Variants in AFF1 observed in about 807,000 individuals in gnomAD.
AFF1 encodes the protein AF4/FMR2 family member 1.
AFF1 carries 48 observed loss-of-function variants against 121.7 expected under a neutral mutation model. That is an observed-to-expected ratio of 0.39 (90% CI 0.31 to 0.50). AFF1 has a LOEUF of 0.50. Ranked by LOEUF, AFF1 falls within the 20% of genes least tolerant of loss-of-function variation. AFF1 has a pLI of 0.76. For missense variants in AFF1, 1,523 were observed against 1,511.7 expected, an observed-to-expected ratio of 1.01 and a Z score of -0.12; for synonymous variants, 613 against 563.0, an observed-to-expected ratio of 1.09 and a Z score of -1.26.
chr4:87,056,413 C>A (rs112857703), intron 4 of AFF1, among the ~76,000 whole-genome samples: 6 of 152,222 alleles, frequency 3.9e-5, no homozygotes, highest in African/African-American at 1.4e-4. Flanking sequence ...TATAGATTCC[C>A]TTTTTCCTTA....
intron 2 of AFF1, among the ~76,000 whole-genome samples, chr4:87,002,461 T>C (rs1403615249): frequency 1.6e-5 from 2 of 128,680 alleles, no homozygotes; most frequent in Non-Finnish European, 3.2e-5. Flanking sequence ...AGATGGTGTC[T>C]CACTGTGTTG....
Position 87,139,817 on chromosome 4 carries a change from C to T in AFF1, c.*4116C>T, listed in dbSNP as rs1729581915. The T allele has an allele frequency of 4.4e-6, 1 of 225,356 alleles. No homozygotes were observed. The highest frequency in any genetic ancestry group is 8.8e-6 in the Non-Finnish European group (1 of 113,354). The allele number at this position is 225,356 out of a possible 1,614,324, so 14.0% of individuals were successfully genotyped here. ...TGCCACCATGTGAACCTCAAATATG[C>T]AATCCAGTTGTGTTGGTTTCTCGGT... On this transcript the variant is annotated 3_prime_UTR_variant, in exon 21 of 21. Coordinates refer to ENST00000395146, the MANE Select transcript of AFF1 (RefSeq NM_001166693.3).
intron 2 of AFF1, among the ~76,000 whole-genome samples, chr4:87,012,493 G>A (rs1019863939): frequency 3.9e-5 from 6 of 152,108 alleles, no homozygotes; most frequent in African/African-American, 7.2e-5. Flanking sequence ...ACGTTTTATT[G>A]ATATAGAGTG....
intron 4 of AFF1, among the ~76,000 whole-genome samples, chr4:87,066,916 A>G (rs1721415757): frequency 6.6e-6 from 1 of 152,186 alleles, no homozygotes; most frequent in Non-Finnish European, 1.5e-5. Context: ...ATTTATTAGA[A>G]ACATACTGCA....
chr4:86,995,188 G>A (rs938180035), intron 2 of AFF1, among the ~76,000 whole-genome samples: 5 of 152,040 alleles, frequency 3.3e-5, no homozygotes, highest in Non-Finnish European at 7.4e-5. Flanking sequence ...AACTGAAATT[G>A]CAGCACTGCA....
intron 12 of AFF1, among the ~76,000 whole-genome samples, chr4:87,115,912 C>T (rs1727077982): frequency 6.6e-6 from 1 of 152,096 alleles, no homozygotes; most frequent in Non-Finnish European, 1.5e-5. Context: ...ACACGATGCC[C>T]AGCCTCATTT....
At chr4:87,099,116 C>T (rs1217562183) in intron 8 of AFF1, among the ~76,000 whole-genome samples, 2 of 152,158 alleles carry the variant, frequency 1.3e-5, no homozygotes, top group African/African-American at 4.8e-5. Context: ...TTAAATTTTT[C>T]CTTGTTTTCA....
In AFF1 at chr4:87,137,132, G is replaced by A. The variant is rs1393619346; in HGVS notation, c.*1431G>A. The A allele has an allele frequency of 4.9e-5, 11 of 226,664 alleles. No homozygotes were observed. In the Admixed American group the frequency reaches 6.3e-4, roughly 13 times the overall value. The allele number at this position is 226,664 out of a possible 1,614,324, so 14.0% of individuals were successfully genotyped here. On this transcript the variant is annotated 3_prime_UTR_variant, in exon 21 of 21. Transcript: ENST00000395146. ...TATTATTGGAAACATTACTTTGAGT[G>A]CAGTGTTTTTAAAAGCCAATTCTTT...
chr4:87,034,642 G>A (rs570979927), intron 2 of AFF1, among the ~76,000 whole-genome samples: 29 of 152,294 alleles, frequency 1.9e-4, no homozygotes, highest in Non-Finnish European at 3.1e-4. Flanking sequence ...TAATTAATAA[G>A]TATGGTAAAC....
At chr4:87,101,299 C>T (rs189637144) in intron 8 of AFF1, among the ~76,000 whole-genome samples, 5 of 152,270 alleles carry the variant, frequency 3.3e-5, no homozygotes, top group African/African-American at 7.2e-5. Context: ...CAGGATTCTA[C>T]GGCCAGGCTC....
Position 87,139,651 on chromosome 4 carries a change from C to T in AFF1, c.*3950C>T, listed in dbSNP as rs1389403052. The T allele has an allele frequency of 4.4e-6, 1 of 229,358 alleles. No homozygotes were observed. Among genetic ancestry groups the T allele is most frequent in the East Asian group, 6.2e-5 (1 of 16,120 alleles). 14.2% of individuals were successfully genotyped at this position (229,358 alleles called of 1,614,324 possible). ...CCTCCTGTTCTTGAGCCAGTTGTCT[C>T]TTTTGTTTTGGGTCCCACTTAGGAT... On this transcript the variant is annotated 3_prime_UTR_variant, in exon 21 of 21. Coordinates refer to ENST00000395146, the MANE Select transcript of AFF1 (RefSeq NM_001166693.3).
At chr4:87,068,162 AT>A (rs1258351812) in intron 4 of AFF1, among the ~76,000 whole-genome samples, 5 of 45,696 alleles carry the variant, frequency 1.1e-4, no homozygotes, top group African/African-American at 8.2e-4. Context: ...GAGTTTTAAA[AT>A]TCCCATTGCC....
chr4:87,127,682 GA>G lies in AFF1; in HGVS notation c.2945del (p.Lys982SerfsTer6). The G allele has an allele frequency of 6.2e-7, 1 of 1,614,194 alleles. No individual in the cohort carries two copies. Among genetic ancestry groups the G allele is most frequent in the Non-Finnish European group, 8.5e-7 (1 of 1,180,024 alleles). On this transcript the variant is annotated frameshift_variant, in exon 16 of 21. Transcript: ENST00000395146. LOFTEE classifies it high-confidence loss of function. The part of the protein sequence containing the change: ...DLHMREAKKM[K>X]QKAELMTDRV... ...TTCACATGAGGGAGGCAAAAAAGAT[GA>G]AGCAGAAAGCAGAGTTAATGGTTAG...
At chr4:86,939,559 C>CT (rs1720302145) in intron 1 of AFF1, among the ~76,000 whole-genome samples, 2 of 152,192 alleles carry the variant, frequency 1.3e-5, no homozygotes, top group Admixed American at 1.3e-4. Context: ...GAATCCTTAC[C>CT]TTTCTAAAAA....
In AFF1 at chr4:87,020,808, GTCA is replaced by G. The variant is rs1314737986; in HGVS notation, c.39-25353_39-25351del. The G allele has an allele frequency of 3.0e-6, 3 of 985,256 alleles. No homozygotes were observed. The African/African-American group carries it at 5.2e-5, about 17-fold the overall frequency. 61.0% of individuals were successfully genotyped at this position (985,256 alleles called of 1,614,324 possible). On this transcript the variant is annotated intron_variant, in intron 2 of 20. Coordinates refer to ENST00000395146, the MANE Select transcript of AFF1 (RefSeq NM_001166693.3). Reference sequence around the variant, plus strand: ...ATGCCATGTTTTTGATGCACAGGTAGTCATCATTGTTAACGTCGTCTTTTCAAA... The same window carrying G: ...ATGCCATGTTTTTGATGCACAGGTAGTCATTGTTAACGTCGTCTTTTCAAA...
intron 2 of AFF1, among the ~76,000 whole-genome samples, chr4:87,040,275 C>G (rs2149600214): frequency 6.6e-6 from 1 of 152,294 alleles, no homozygotes; most frequent in East Asian, 1.9e-4. Context: ...GGTCGTTCCT[C>G]AAGGACAGGC....
intron 2 of AFF1, among the ~76,000 whole-genome samples, chr4:87,006,361 G>A (rs1379402267): frequency 6.6e-6 from 1 of 152,144 alleles, no homozygotes; most frequent in Non-Finnish European, 1.5e-5. Flanking sequence ...CTCTGAGTAG[G>A]AAGTGATTTC....
intron 4 of AFF1, among the ~76,000 whole-genome samples, chr4:87,070,586 A>G (rs1267340576): frequency 2.6e-5 from 4 of 152,280 alleles, no homozygotes; most frequent in African/African-American, 9.6e-5. Context: ...GTATGCATTT[A>G]TGCATGTGCA....
intron 4 of AFF1, among the ~76,000 whole-genome samples, chr4:87,071,876 A>G (rs1722096340): frequency 6.6e-6 from 1 of 152,148 alleles, no homozygotes; most frequent in Non-Finnish European, 1.5e-5. Flanking sequence ...ATTGGGGGTT[A>G]TGATGTGGTT....
Sources: gnomAD v4.1 joint callset for allele counts (sites outside exome capture counted in the v4.1 genomes callset) on GRCh38, gnomAD v4.1.1 for gene constraint, MANE v1.5 for transcripts, NCBI Gene and HGNC (gene_info 2026-07-23, HGNC 2026-07-21) for gene names.